The following CA12 variants were observed in gnomAD, a reference collection of about 807,000 sequenced individuals.
CA12 encodes the protein carbonic anhydrase 12.
In CA12, 36 loss-of-function variants were observed where a neutral mutation model predicts 46.8. The ratio of observed to expected loss-of-function variants is 0.77; its 90% CI spans 0.59 to 1.02. CA12 has a LOEUF of 1.02. Among genes scored for constraint, CA12 ranks in the 50% least tolerant of loss-of-function variants. The probability of loss-of-function intolerance (pLI) is 0.00; values close to 1 mark genes in which losing one functional copy is unlikely to be tolerated. For synonymous variants in CA12, 202 were observed against 187.0 expected, an observed-to-expected ratio of 1.08 and a Z score of -0.65; for missense variants, 436 against 451.4, an observed-to-expected ratio of 0.97 and a Z score of 0.31.
chr15:63,381,624 CG>C lies in CA12; in HGVS notation c.85+11del. 6.2e-7 allele frequency: 1 copy of C among 1,607,494 alleles called. No homozygotes were observed. The highest frequency in any genetic ancestry group is 8.5e-7 in the Non-Finnish European group (1 of 1,176,696). ...TCAGGAGTGTTAGGAAAGAAGCAGG[CG>C]GAAACTTTACCGTTCACTGGGGCCG... On this transcript the variant is annotated intron_variant, in intron 1 of 10. Coordinates refer to ENST00000178638, the MANE Select transcript of CA12 (RefSeq NM_001218.5).
chr15:63,336,165 A>G (rs2039000732), intron 8 of CA12, among the ~76,000 whole-genome samples: 1 of 152,166 alleles, frequency 6.6e-6, no homozygotes, highest in African/African-American at 2.4e-5. Context: ...TTGGGCTTTG[A>G]TCTTGACGTC....
intron 1 of CA12, among the ~76,000 whole-genome samples, chr15:63,381,011 C>CTGTGTGTG (rs66492957): frequency 1.3e-5 from 2 of 148,238 alleles, no homozygotes; most frequent in African/African-American, 2.5e-5. Context: ...CAGAAATATG[C>CTGTGTGTG]TGTGTGTGTG....
chr15:63,360,654 C>A (rs141374758), intron 2 of CA12, among the ~76,000 whole-genome samples: 2,024 of 152,310 alleles, frequency 0.013, 14 homozygotes, highest in Middle Eastern at 0.034. Flanking sequence ...ACACTCACCA[C>A]CCATGCACAT....
chr15:63,340,461 G>A lies in CA12; in HGVS notation c.590-16C>T, dbSNP rs897797174. ...GCTTCCTGGCCTAGAGAGACATGTTGCAGAGGTGATAGTGTCAGCCTCCCT... is the reference window on the plus strand; with the variant it reads ...GCTTCCTGGCCTAGAGAGACATGTTACAGAGGTGATAGTGTCAGCCTCCCT... On this transcript the variant is annotated splice_polypyrimidine_tract_variant and intron_variant, in intron 6 of 10. Transcript: ENST00000178638. The surrounding 1 kb of genome is among the most constrained non-coding windows in gnomAD (Gnocchi z 4.4). The A allele has an allele frequency of 6.2e-7, 1 of 1,614,150 alleles. No individual in the cohort carries two copies.
rs1275063894 is a variant in CA12 at position 63,348,130 on chromosome 15, C to T, written c.107-1421G>A. On this transcript the variant is annotated intron_variant, in intron 2 of 10. Coordinates refer to ENST00000178638, the MANE Select transcript of CA12 (RefSeq NM_001218.5). This position sits in a 1 kb window ranked among gnomAD's most constrained non-coding sequence, Gnocchi z 4.6. The stretch of plus-strand genomic sequence containing the variant: ...TCTTACTTCTAGGTCCGGACACACA[C>T]ATCGGAACCCTACTGATTTTTCAGG... Among the ~76,000 whole-genome samples the T allele has an allele frequency of 6.6e-6, 1 of 152,204 alleles. No homozygotes were observed. The highest frequency in any genetic ancestry group is 1.9e-4 in the East Asian group (1 of 5,196).
At chr15:63,335,137 G>C (rs917588295) in intron 8 of CA12, among the ~76,000 whole-genome samples, 1 of 152,196 alleles carries the variant, frequency 6.6e-6, no homozygotes, top group African/African-American at 2.4e-5. Flanking sequence ...GTTAAAACTG[G>C]GGAGGGGCAA....
chr15:63,334,971 A>T (rs547507061), intron 8 of CA12, among the ~76,000 whole-genome samples: 1 of 152,338 alleles, frequency 6.6e-6, no homozygotes, highest in South Asian at 2.1e-4. Flanking sequence ...AACAATGAAG[A>T]CCAGGGCATG....
Position 63,342,105 on chromosome 15 carries a change from G to C in CA12, c.430-8C>G. On this transcript the variant is annotated splice_region_variant and splice_polypyrimidine_tract_variant and intron_variant, in intron 4 of 10. Transcript: ENST00000178638. The stretch of plus-strand genomic sequence containing the variant: ...ATAATGGACAATGTGCAGCTGCAGT[G>C]GGGGAGAAGCCACCCATTAGGAGAT... 1.9e-6 allele frequency: 3 copies of C among 1,598,064 alleles called. No homozygotes were observed. The highest frequency in any genetic ancestry group is 2.6e-6 in the Non-Finnish European group (3 of 1,165,690).
rs908800362 is a variant in CA12, at chr15:63,355,039, G to T, written c.107-8330C>A. ...CAGGCTGCCAAAGGTAAAGGGTGAC[G>T]ATCTGTTTGCTTTTGCTTCTCCATT... On this transcript the variant is annotated intron_variant, in intron 2 of 10. Transcript: ENST00000178638. The surrounding 1 kb of genome is among the most constrained non-coding windows in gnomAD (Gnocchi z 4.1). 6.6e-6 allele frequency among the ~76,000 whole-genome samples: 1 copy of T among 152,144 alleles called. No individual in the cohort carries two copies. The highest frequency in any genetic ancestry group is 2.4e-5 in the African/African-American group (1 of 41,426).
At position 63,326,335 on chromosome 15, in the gene CA12, C is replaced by G. The variant is rs2038866354; in HGVS notation, c.1015G>C (p.Gly339Arg). The change falls in exon 11 of 11, where the codon GGA becomes CGA. Residue 339 changes from glycine to arginine, a missense_variant. Transcript: ENST00000178638. ...RKSIKKGDNK[G>R]VIYKPATKME... ...TTGGTGGCTGGCTTGTAAATGACTC[C>G]CTTGTTATCACCTTTTTTGATACTA... is the stretch of plus-strand genomic sequence containing the variant. 1 of 1,613,906 alleles carries G rather than the reference C, an allele frequency of 6.2e-7. No individual in the cohort carries two copies. Among genetic ancestry groups the G allele is most frequent in the Non-Finnish European group, 8.5e-7 (1 of 1,179,856 alleles).
At chr15:63,375,551 G>A in intron 2 of CA12, 107 bp downstream of exon 2, 1 of 750,074 alleles carries the variant, frequency 1.3e-6, no homozygotes, top group Non-Finnish European at 2.3e-6. Context: ...CTGTGCTTCC[G>A]ACCCTTCAAA....
In CA12 at chr15:63,329,042, T is replaced by C. The variant is rs1465410634; in HGVS notation, c.875-912A>G. 1.3e-5 allele frequency among the ~76,000 whole-genome samples: 2 copies of C among 152,142 alleles called. No homozygotes were observed. Among genetic ancestry groups the C allele is most frequent in the Admixed American group, 6.5e-5 (1 of 15,270 alleles). The stretch of plus-strand genomic sequence containing the variant: ...ATACAACATGGCCAAAGAGGAAAGA[T>C]GAAGAAAGGTAGGGATCAAAGCCTG... On this transcript the variant is annotated intron_variant, in intron 8 of 10. Coordinates refer to ENST00000178638, the MANE Select transcript of CA12 (RefSeq NM_001218.5). This position sits in a 1 kb window ranked among gnomAD's most constrained non-coding sequence, Gnocchi z 4.8.
chr15:63,327,524 C>T lies in CA12; in HGVS notation c.908-291G>A, dbSNP rs182000866. On this transcript the variant is annotated intron_variant, in intron 9 of 10. Transcript: ENST00000178638. This position sits in a 1 kb window ranked among gnomAD's most constrained non-coding sequence, Gnocchi z 4.5. ...GGTTTTTTTTTTTTTTTTAGCCCAA[C>T]CCCCAGAGATTCAAAGTCAATCTGT... is the stretch of plus-strand genomic sequence containing the variant. Among the ~76,000 whole-genome samples, 2 of 148,878 alleles carry T rather than the reference C, an allele frequency of 1.3e-5. No individual in the cohort carries two copies.
At position 63,375,668 on chromosome 15, in the gene CA12, C is replaced by A. The variant is rs1413156081; in HGVS notation, c.96G>T (p.Trp32Cys). 1 of 1,570,976 alleles carries A rather than the reference C, an allele frequency of 6.4e-7. No homozygotes were observed. The highest frequency in any genetic ancestry group is 2.2e-5 in the East Asian group (1 of 44,696). The change falls in exon 2 of 11, where the codon TGG becomes TGT. Residue 32 changes from tryptophan (W) to cysteine (C), a missense_variant. By Grantham distance (215) the Trp-to-Cys change is radical (BLOSUM62 -2). Coordinates refer to ENST00000178638, the MANE Select transcript of CA12 (RefSeq NM_001218.5). The part of the protein sequence containing the change: ...SSPAPVNGSK[W>C]TYFGPDGENS... ...AAAATCTCTACTTACCAAAATAAGT[C>A]CACTTGGAACCTACAAAGAACAAAA...
intron 2 of CA12, among the ~76,000 whole-genome samples, chr15:63,364,975 G>A (rs1042663215): frequency 2.6e-5 from 4 of 152,164 alleles, no homozygotes; most frequent in Admixed American, 1.3e-4. Context: ...TTGCGACAGG[G>A]TCTCTCTCTG....
At chr15:63,334,027 G>T (rs932147581) in intron 8 of CA12, among the ~76,000 whole-genome samples, 1 of 152,090 alleles carries the variant, frequency 6.6e-6, no homozygotes, top group African/African-American at 2.4e-5. Context: ...CTAGGAGGAG[G>T]TGAACTCAAA....
chr15:63,381,724 C>T lies in CA12; in HGVS notation c.-4G>A, dbSNP rs530681774. ...CGTGCAGGCTGCGCCGGGGCATCTT[C>T]GCGGGCTCCTGCGGGGCGGGCGCGG... On this transcript the variant is annotated 5_prime_UTR_variant, in exon 1 of 11. Transcript: ENST00000178638. 8.8e-6 allele frequency: 14 copies of T among 1,589,142 alleles called. No homozygotes were observed. The South Asian group carries it at 1.5e-4, about 17-fold the overall frequency.
rs777568765 is a variant in CA12 at position 63,340,267 on chromosome 15, TGAGTCTGGCA to T, written c.747+11_747+20del. 2.4e-5 allele frequency: 39 copies of T among 1,613,988 alleles called. No homozygotes were observed. In the African/African-American group the frequency reaches 4.8e-4, roughly 20 times the overall value. On this transcript the variant is annotated intron_variant, in intron 7 of 10. Coordinates refer to ENST00000178638, the MANE Select transcript of CA12 (RefSeq NM_001218.5). The surrounding 1 kb of genome is among the most constrained non-coding windows in gnomAD (Gnocchi z 4.4). ...ACTGAGGTGCCGCGTGGACTCTGGCTGAGTCTGGCACGACAGTTACCTGCTCCTGGGAAAT... is the reference window on the plus strand; with the variant it reads ...ACTGAGGTGCCGCGTGGACTCTGGCTCGACAGTTACCTGCTCCTGGGAAAT...
chr15:63,331,580 G>C lies in CA12; in HGVS notation c.875-3450C>G, dbSNP rs576680269. 1 of 152,216 alleles carries C rather than the reference G, an allele frequency of 6.6e-6. No homozygotes were observed. Among genetic ancestry groups the C allele is most frequent in the Non-Finnish European group, 1.5e-5 (1 of 68,078 alleles). 9.4% of individuals were successfully genotyped at this position (152,216 alleles called of 1,614,324 possible). On this transcript the variant is annotated intron_variant, in intron 8 of 10. Transcript: ENST00000178638. This position sits in a 1 kb window ranked among gnomAD's most constrained non-coding sequence, Gnocchi z 5.3. ...GTAAGAGGGTGCACACCATGAGGAC[G>C]TGGGAGAGCCGCCTGTTCACAAAGT...
Sources: allele counts gnomAD v4.1 joint callset (sites outside exome capture counted in the v4.1 genomes callset), GRCh38; gene constraint gnomAD v4.1.1; non-coding constraint Gnocchi (gnomAD v3.1); transcripts MANE v1.5; gene names NCBI Gene and HGNC (gene_info 2026-07-23, HGNC 2026-07-21).